CTNNA2: variants seen among roughly 807,000 people sequenced by gnomAD.
CTNNA2 encodes the protein catenin alpha-2.
Under a neutral mutation model 101.0 loss-of-function variants are expected in CTNNA2, and 42 were observed. The ratio of observed to expected loss-of-function variants is 0.42; its 90% CI spans 0.32 to 0.54. The LOEUF (loss-of-function observed/expected upper bound fraction) is 0.54, where lower values mean the gene tolerates loss of function less well. Ranked by LOEUF, CTNNA2 falls within the 20% of genes least tolerant of loss-of-function variation. The pLI is 0.14. For synonymous variants in CTNNA2, 450 were observed against 456.4 expected (o/e 0.99, Z 0.18); for missense variants, 871 against 1,223.1 (o/e 0.71, Z 4.29).
rs112729995 is a variant in CTNNA2, at chr2:80,151,085, C to T, written c.1056+241288C>T. 2.8e-3 allele frequency among the ~76,000 whole-genome samples: 434 copies of T among 152,294 alleles called. 1 individual carries two copies. The highest frequency in any genetic ancestry group is 0.01 in the African/African-American group (420 of 41,560). ...CTCTGTAAGCCTACTTTAATCTCCCCATTCTCTTTTATGCCCCACTCTCCA... is the reference window on the plus strand; with the variant it reads ...CTCTGTAAGCCTACTTTAATCTCCCTATTCTCTTTTATGCCCCACTCTCCA... On this transcript the variant is annotated intron_variant, in intron 7 of 18. Transcript: ENST00000402739.
At chr2:79,430,083 C>T (rs1678640467) in intron 4 of CTNNA2, among the ~76,000 whole-genome samples, 2 of 152,076 alleles carry the variant, frequency 1.3e-5, no homozygotes, top group African/African-American at 4.8e-5. Flanking sequence ...GTGGCATAGG[C>T]TGCTTCATGG....
chr2:80,383,229 A>G (rs911630262), intron 7 of CTNNA2, among the ~76,000 whole-genome samples: 1 of 152,200 alleles, frequency 6.6e-6, no homozygotes, highest in Non-Finnish European at 1.5e-5. Flanking sequence ...GGTGCCAACT[A>G]CTTCCTATGG....
At chr2:79,574,794 C>T (rs1418534225) in intron 1 of CTNNA2, among the ~76,000 whole-genome samples, 1 of 152,208 alleles carries the variant, frequency 6.6e-6, no homozygotes, top group African/African-American at 2.4e-5. Flanking sequence ...AGTTGCTACA[C>T]TGCTTTCCAA....
At chr2:80,278,010 G>A (rs949567516) in intron 7 of CTNNA2, among the ~76,000 whole-genome samples, 1 of 152,104 alleles carries the variant, frequency 6.6e-6, no homozygotes, top group African/African-American at 2.4e-5. Flanking sequence ...TCTGGATTGG[G>A]TAGTGGTTAA....
chr2:80,114,680 G>A (rs1701420240), intron 7 of CTNNA2, among the ~76,000 whole-genome samples: 1 of 152,188 alleles, frequency 6.6e-6, no homozygotes, highest in Non-Finnish European at 1.5e-5. Flanking sequence ...ATTGCACTGG[G>A]CTCCTATCCC....
chr2:80,255,870 G>T (rs1179884114), intron 7 of CTNNA2, among the ~76,000 whole-genome samples: 1 of 152,044 alleles, frequency 6.6e-6, no homozygotes, highest in African/African-American at 2.4e-5. Flanking sequence ...TTTAGTATCC[G>T]GGAAAATAAA....
intron 4 of CTNNA2, among the ~76,000 whole-genome samples, chr2:79,385,252 A>G (rs1678085041): frequency 6.6e-6 from 1 of 152,278 alleles, no homozygotes; most frequent in East Asian, 1.9e-4. Context: ...TACTAGAAAG[A>G]GATGCCAGAG....
rs548796658 is a variant in CTNNA2 at position 79,891,795 on chromosome 2, T to C, written c.852+17453T>C. On this transcript the variant is annotated intron_variant, in intron 6 of 18. Coordinates refer to ENST00000402739, the MANE Select transcript of CTNNA2 (RefSeq NM_001282597.3). ...AAGTAAGTAGGAAGAAACAAATTTA[T>C]ACTGAAAATGCAAAACAACCTGAAA... Among the ~76,000 whole-genome samples the C allele has an allele frequency of 3.9e-5, 6 of 152,286 alleles. No individual in the cohort carries two copies. The East Asian group carries it at 7.7e-4, about 20-fold the overall frequency.
At chr2:80,507,926 A>G in intron 9 of CTNNA2, among the ~76,000 whole-genome samples, 1 of 152,094 alleles carries the variant, frequency 6.6e-6, no homozygotes, top group East Asian at 1.9e-4. Flanking sequence ...CTGTGTAGGG[A>G]CGTTAAGCAC....
At chr2:79,703,396 G>C (rs766045100) in intron 2 of CTNNA2, among the ~76,000 whole-genome samples, 11 of 152,108 alleles carry the variant, frequency 7.2e-5, no homozygotes, top group Non-Finnish European at 1.5e-4. Context: ...TTTCTCTTAA[G>C]TGTTAGCATT....
chr2:80,197,595 C>T (rs115412822), intron 7 of CTNNA2, among the ~76,000 whole-genome samples: 1 of 152,120 alleles, frequency 6.6e-6, no homozygotes, highest in Non-Finnish European at 1.5e-5. Flanking sequence ...CAAGTCTGTG[C>T]TCTCCCACCT....
chr2:80,499,707 G>T (rs1012709039), intron 9 of CTNNA2, among the ~76,000 whole-genome samples: 10 of 152,074 alleles, frequency 6.6e-5, no homozygotes, highest in Non-Finnish European at 1.5e-4. Context: ...TGTAATCCCA[G>T]CTACTGGGGA....
chr2:80,459,996 C>T (rs550051492), intron 9 of CTNNA2, among the ~76,000 whole-genome samples: 1 of 152,106 alleles, frequency 6.6e-6, no homozygotes, highest in Non-Finnish European at 1.5e-5. Context: ...TTCCTTTACC[C>T]AGCGTTTATT....
intron 7 of CTNNA2, among the ~76,000 whole-genome samples, chr2:80,259,583 C>T (rs1195649423): frequency 9.2e-5 from 14 of 152,154 alleles, no homozygotes; most frequent in Non-Finnish European, 8.8e-5. Context: ...TAACCCTTTT[C>T]CAGAAGTCTC....
In CTNNA2 at chr2:80,374,227, T is replaced by C. The variant is rs1019647685; in HGVS notation, c.1057-18984T>C. On this transcript the variant is annotated intron_variant, in intron 7 of 18. Transcript: ENST00000402739. The stretch of plus-strand genomic sequence containing the variant: ...TTCAGTCCTCCCTGGCTTCCTCTCT[T>C]TCCACCCTGGTAGTTCCTAGTATCT... Among the ~76,000 whole-genome samples, 47 of 152,176 alleles carry C rather than the reference T, an allele frequency of 3.1e-4. 1 individual carries two copies. The highest frequency in any genetic ancestry group is 1.0e-3 in the African/African-American group (42 of 41,434).
intron 7 of CTNNA2, among the ~76,000 whole-genome samples, chr2:80,368,977 C>T (rs1675206035): frequency 6.6e-6 from 1 of 151,270 alleles, no homozygotes; most frequent in South Asian, 2.1e-4. Context: ...GACTGTGCTC[C>T]AGGATATTGT....
At chr2:79,420,263 C>T (rs1033221301) in intron 4 of CTNNA2, among the ~76,000 whole-genome samples, 1 of 152,158 alleles carries the variant, frequency 6.6e-6, no homozygotes, top group Non-Finnish European at 1.5e-5. Context: ...CAGCATCTCT[C>T]CTTGCACAGA....
At chr2:79,411,679 A>G (rs1678412836) in intron 4 of CTNNA2, among the ~76,000 whole-genome samples, 1 of 152,114 alleles carries the variant, frequency 6.6e-6, no homozygotes, top group Non-Finnish European at 1.5e-5. Context: ...AAAATACTTT[A>G]CAGACAAGCA....
At chr2:79,324,157 G>T (rs532212595) in intron 3 of CTNNA2, among the ~76,000 whole-genome samples, 1 of 152,138 alleles carries the variant, frequency 6.6e-6, no homozygotes, top group African/African-American at 2.4e-5. Flanking sequence ...ACATAATGAC[G>T]CTTGGATAGA....
Sources: allele counts gnomAD v4.1 joint callset (sites outside exome capture counted in the v4.1 genomes callset), GRCh38; gene constraint gnomAD v4.1.1; transcripts MANE v1.5; gene names NCBI Gene and HGNC (gene_info 2026-07-23, HGNC 2026-07-21).